Variants in ABI2 observed in about 807,000 individuals in gnomAD.
ABI2 encodes abelson interactor 2.
A neutral mutation model predicts 59.2 loss-of-function variants in ABI2; 25 were observed. That is an observed-to-expected ratio of 0.42 (90% CI 0.31 to 0.59). ABI2 has a LOEUF of 0.59. Among genes scored for constraint, ABI2 ranks in the 20% least tolerant of loss-of-function variants. The pLI is 0.14. For synonymous variants in ABI2, 213 were observed against 235.5 expected (o/e 0.90, Z 0.87); for missense variants, 545 against 681.8 (o/e 0.80, Z 2.23).
At chr2:203,354,238 T>C (rs1378349765) in intron 1 of ABI2, among the ~76,000 whole-genome samples, 1 of 152,100 alleles carries the variant, frequency 6.6e-6, no homozygotes, top group East Asian at 1.9e-4. Flanking sequence ...GAGACAGGGT[T>C]TCGCCATGTT....
At chr2:203,335,723 A>G (rs2152395650) in intron 1 of ABI2, among the ~76,000 whole-genome samples, 1 of 152,236 alleles carries the variant, frequency 6.6e-6, no homozygotes, top group South Asian at 2.1e-4. Context: ...TTTCTTCTTA[A>G]GTAATATACT....
At chr2:203,410,450 TG>T (rs1299497259) in intron 9 of ABI2, among the ~76,000 whole-genome samples, 1 of 152,234 alleles carries the variant, frequency 6.6e-6, no homozygotes, top group Non-Finnish European at 1.5e-5. Context: ...CACACATACC[TG>T]GCTTATTAGT....
intron 9 of ABI2, among the ~76,000 whole-genome samples, chr2:203,405,686 T>C (rs536427818): frequency 1.3e-5 from 2 of 152,264 alleles, no homozygotes; most frequent in South Asian, 2.1e-4. Flanking sequence ...AAAAATGATC[T>C]GAAGTGTGTG....
intron 10 of ABI2, among the ~76,000 whole-genome samples, chr2:203,414,211 C>T (rs1284210582): frequency 2.0e-5 from 3 of 150,670 alleles, no homozygotes; most frequent in African/African-American, 7.3e-5. Context: ...AAGTGATTCT[C>T]ATGCCTCAGC....
At chr2:203,358,071 T>TTG (rs71007506) in intron 1 of ABI2, among the ~76,000 whole-genome samples, 12,914 of 128,660 alleles carry the variant, frequency 0.1, 624 homozygotes, top group East Asian at 0.3. Context: ...CCTGGCCTGT[T>TTG]TGTGTGTGTG....
chr2:203,345,754 C>T (rs968169892), intron 1 of ABI2, among the ~76,000 whole-genome samples: 11 of 151,800 alleles, frequency 7.2e-5, no homozygotes, highest in African/African-American at 9.7e-5. Context: ...CCACATTGGC[C>T]AGGCTGGTTT....
chr2:203,395,448 T>TACACACACACACACACAC (rs59156204), intron 6 of ABI2, among the ~76,000 whole-genome samples: 1 of 115,328 alleles, frequency 8.7e-6, no homozygotes, highest in Non-Finnish European at 1.8e-5. Flanking sequence ...TATATATATA[T>TACACACACACACACACAC]ACACACACAC....
intron 10 of ABI2, among the ~76,000 whole-genome samples, chr2:203,416,416 C>T (rs1409588773): frequency 1.3e-5 from 2 of 152,098 alleles, no homozygotes; most frequent in African/African-American, 2.4e-5. Context: ...GTGCCTTGGC[C>T]TCCTGAGTAG....
intron 1 of ABI2, among the ~76,000 whole-genome samples, chr2:203,345,327 G>A (rs1490385008): frequency 6.6e-6 from 1 of 152,160 alleles, no homozygotes; most frequent in Admixed American, 6.5e-5. Flanking sequence ...CTGGAAGGAA[G>A]AAACTCCGGA....
chr2:203,387,399 G>A (rs1204304915), intron 4 of ABI2, among the ~76,000 whole-genome samples: 1 of 152,198 alleles, frequency 6.6e-6, no homozygotes, highest in Admixed American at 6.5e-5. Flanking sequence ...GCCAGTTGTA[G>A]TGATCTCCAA....
At chr2:203,333,834 T>C (rs1325937014) in intron 1 of ABI2, among the ~76,000 whole-genome samples, 1 of 152,194 alleles carries the variant, frequency 6.6e-6, no homozygotes, top group East Asian at 1.9e-4. Flanking sequence ...GGAAATCCAG[T>C]CTCACCTCAT....
chr2:203,341,572 C>T (rs1370271783), intron 1 of ABI2, among the ~76,000 whole-genome samples: 4 of 151,858 alleles, frequency 2.6e-5, no homozygotes, highest in East Asian at 1.9e-4. Flanking sequence ...AAAATTTCTC[C>T]GGGCTTGTTG....
intron 11 of ABI2, among the ~76,000 whole-genome samples, chr2:203,423,917 C>G (rs1313211789): frequency 2.0e-5 from 3 of 152,080 alleles, no homozygotes; most frequent in African/African-American, 7.2e-5. Context: ...GAACAATGTA[C>G]TTTGAAATTT....
chr2:203,355,024 T>C (rs190896553), intron 1 of ABI2: 3 of 229,408 alleles, frequency 1.3e-5, no homozygotes, highest in Admixed American at 1.2e-4. Context: ...CAATCTGGAT[T>C]GTCTGGATTG....
chr2:203,384,303 T>TTGTTG lies in ABI2; in HGVS notation c.480+2098_480+2099insGTTGT. 2.8e-5 allele frequency among the ~76,000 whole-genome samples: 4 copies of TTGTTG among 144,534 alleles called. No homozygotes were observed. The Middle Eastern group carries it at 0.011, about 382-fold the overall frequency. 94.8% of individuals were successfully genotyped at this position (144,534 alleles called of 152,430 possible). A position where few individuals can be genotyped will look rare whatever the true frequency, so the allele number is the denominator to read the frequency against. Reference sequence around the variant, plus strand: ...GTTTTTGTTTTTGTTTTTTTTTTTTTTTTTTTTTTTTTTTTTTTTTTGAGA... The same window carrying TTGTTG: ...GTTTTTGTTTTTGTTTTTTTTTTTTTTGTTGTTTTTTTTTTTTTTTTTTTTTGAGA... On this transcript the variant is annotated intron_variant, in intron 4 of 11. Transcript: ENST00000261018.
intron 9 of ABI2, among the ~76,000 whole-genome samples, chr2:203,408,863 G>A (rs1372239386): frequency 1.3e-4 from 9 of 67,502 alleles, no homozygotes; most frequent in African/African-American, 3.7e-4. Context: ...ACGGAGTCTC[G>A]CTCTGTCGCC....
intron 2 of ABI2, among the ~76,000 whole-genome samples, chr2:203,374,314 A>G (rs1278143973): frequency 6.6e-6 from 1 of 152,068 alleles, no homozygotes; most frequent in Non-Finnish European, 1.5e-5. Flanking sequence ...AGCCTGGCCA[A>G]CATAGTGAAA....
chr2:203,364,878 G>A (rs1394566668), intron 1 of ABI2, among the ~76,000 whole-genome samples: 1 of 151,516 alleles, frequency 6.6e-6, no homozygotes, highest in Non-Finnish European at 1.5e-5. Context: ...GGACTACAGG[G>A]GTCCACCATC....
intron 1 of ABI2, among the ~76,000 whole-genome samples, chr2:203,358,398 T>G (rs897948929): frequency 6.6e-6 from 1 of 151,956 alleles, no homozygotes; most frequent in African/African-American, 2.4e-5. Context: ...TTCTTCTGCC[T>G]TGTCTTCCCA....
Sources: allele counts gnomAD v4.1 joint callset (sites outside exome capture counted in the v4.1 genomes callset), GRCh38; gene constraint gnomAD v4.1.1; transcripts MANE v1.5; gene names NCBI Gene and HGNC (gene_info 2026-07-23, HGNC 2026-07-21).